Variants in TRAPPC9 observed in about 807,000 individuals in gnomAD.
The protein encoded by TRAPPC9 is IKK2 binding protein.
Under a neutral mutation model 124.0 loss-of-function variants are expected in TRAPPC9, and 83 were observed. That is an observed-to-expected ratio of 0.67 (90% confidence interval 0.56 to 0.80). The LOEUF (loss-of-function observed/expected upper bound fraction) is 0.80. TRAPPC9 is among the 30% of genes least tolerant of loss of function. TRAPPC9 has a pLI of 0.00. For missense variants in TRAPPC9, 1,302 were observed against 1,508.3 expected (o/e 0.86, Z 2.27); for synonymous variants, 638 against 617.5 (o/e 1.03, Z -0.49).
chr8:140,163,547 G>C (rs1457155961), intron 17 of TRAPPC9, among the ~76,000 whole-genome samples: 1 of 152,240 alleles, frequency 6.6e-6, no homozygotes, highest in African/African-American at 2.4e-5. Flanking sequence ...AATGACTTTG[G>C]TGGGAAACGG....
rs570089210 is a variant in TRAPPC9 at position 140,441,619 on chromosome 8, G to A, written c.585-2422C>T. On this transcript the variant is annotated intron_variant, in intron 2 of 22. Transcript: ENST00000438773. Reference sequence around the variant, plus strand: ...GAGGATCACTTAAGGCTAGGACTTCGAGACGGCTGGGCAACAGAGCAAGAC... The same window carrying A: ...GAGGATCACTTAAGGCTAGGACTTCAAGACGGCTGGGCAACAGAGCAAGAC... Among the ~76,000 whole-genome samples the A allele has an allele frequency of 9.9e-5, 15 of 152,024 alleles. 1 individual carries two copies. The highest frequency in any genetic ancestry group is 5.9e-4 in the Admixed American group (9 of 15,272).
Position 140,251,514 on chromosome 8 carries a change from T to G in TRAPPC9, c.2431+1263A>C, listed in dbSNP as rs1281543126. On this transcript the variant is annotated intron_variant, in intron 16 of 22. Coordinates refer to ENST00000438773, the MANE Select transcript of TRAPPC9 (RefSeq NM_001160372.4). ...AATATAAAAAGAATATTTTACCAAA[T>G]ACCAGCACTATACAAGAAGCTCATG... Among the ~76,000 whole-genome samples, 9 of 152,350 alleles carry G rather than the reference T, an allele frequency of 5.9e-5. No individual in the cohort carries two copies. In the South Asian group the frequency reaches 1.9e-3, roughly 32 times the overall value.
intron 10 of TRAPPC9, among the ~76,000 whole-genome samples, chr8:140,302,047 A>G (rs143931028): frequency 1.3e-5 from 2 of 152,342 alleles, no homozygotes; most frequent in African/African-American, 2.4e-5. Flanking sequence ...ATACTGCATA[A>G]TAACAACTGC....
intron 21 of TRAPPC9, among the ~76,000 whole-genome samples, chr8:139,876,070 C>T (rs1468432081): frequency 6.6e-6 from 1 of 152,246 alleles, no homozygotes; most frequent in Non-Finnish European, 1.5e-5. Flanking sequence ...TATTCAGCAA[C>T]TCGTAGCAGC....
intron 21 of TRAPPC9, among the ~76,000 whole-genome samples, chr8:139,750,480 C>T (rs80264602): frequency 0.011 from 1,708 of 152,288 alleles, 45 homozygotes; most frequent in African/African-American, 0.039. Flanking sequence ...CAGAGGAGCA[C>T]CTTAGGGCCA....
intron 21 of TRAPPC9, among the ~76,000 whole-genome samples, chr8:139,762,778 G>A (rs547332874): frequency 6.6e-6 from 1 of 152,304 alleles, no homozygotes; most frequent in East Asian, 1.9e-4. Context: ...TGGGAAGGGA[G>A]AGCCCCAAGC....
At chr8:140,115,823 C>T (rs573009646) in intron 17 of TRAPPC9, among the ~76,000 whole-genome samples, 2 of 152,200 alleles carry the variant, frequency 1.3e-5, no homozygotes, top group Admixed American at 1.3e-4. Flanking sequence ...ATGCTGTGCC[C>T]GGGGCCCTTG....
At chr8:139,908,944 C>CT (rs1363060977) in intron 20 of TRAPPC9, among the ~76,000 whole-genome samples, 1 of 152,218 alleles carries the variant, frequency 6.6e-6, no homozygotes, top group African/African-American at 2.4e-5. Flanking sequence ...CCCAAGCACT[C>CT]TATTTTTCAT....
intron 2 of TRAPPC9, among the ~76,000 whole-genome samples, chr8:140,441,054 C>T (rs1366752528): frequency 4.7e-5 from 7 of 148,408 alleles, no homozygotes; most frequent in African/African-American, 1.7e-4. Context: ...TCACAGCTCA[C>T]TGCAACCTCC....
chr8:139,931,338 G>C (rs1381275007), intron 19 of TRAPPC9: 1 of 152,164 alleles, frequency 6.6e-6, no homozygotes, highest in Non-Finnish European at 1.5e-5. Context: ...TAATGACGTG[G>C]CAAATATCCA....
intron 2 of TRAPPC9, among the ~76,000 whole-genome samples, chr8:140,448,043 G>A (rs574682163): frequency 3.3e-5 from 5 of 151,928 alleles, no homozygotes; most frequent in African/African-American, 7.2e-5. Flanking sequence ...TACTCAGGAG[G>A]CTGAGGCACA....
chr8:140,136,940 T>G (rs530175023), intron 17 of TRAPPC9, among the ~76,000 whole-genome samples: 17 of 152,210 alleles, frequency 1.1e-4, no homozygotes, highest in South Asian at 1.0e-3. Flanking sequence ...CTTTGCAGAC[T>G]TCCCACCTAA....
At chr8:139,979,758 C>T (rs1286696209) in intron 19 of TRAPPC9, among the ~76,000 whole-genome samples, 1 of 152,190 alleles carries the variant, frequency 6.6e-6, no homozygotes, top group Non-Finnish European at 1.5e-5. Context: ...AACCAAGAGA[C>T]CCACAGCGTC....
intron 19 of TRAPPC9, among the ~76,000 whole-genome samples, chr8:139,964,572 G>A (rs909225189): frequency 1.3e-5 from 2 of 152,144 alleles, no homozygotes; most frequent in African/African-American, 2.4e-5. Flanking sequence ...CAGGGCTTTC[G>A]GTATCTCAAA....
Position 140,018,325 on chromosome 8 carries a change from T to TTTTTTC in TRAPPC9, c.2699+5611_2699+5612insGAAAAA, listed in dbSNP as rs1408228114. 2.8e-4 allele frequency among the ~76,000 whole-genome samples: 18 copies of TTTTTTC among 64,434 alleles called. 1 individual carries two copies. The highest frequency in any genetic ancestry group is 1.6e-4 in the Non-Finnish European group (4 of 24,724). 42.3% of individuals were successfully genotyped at this position (64,434 alleles called of 152,430 possible). A position where few individuals can be genotyped will look rare whatever the true frequency, so the allele number is the denominator to read the frequency against. ...TGCTGGTATATAGAAACGTAAGTGA[T>TTTTTTC]TTTTTTTTTTTTTTTTGAGACGGAG... On this transcript the variant is annotated intron_variant, in intron 18 of 22. Transcript: ENST00000438773.
chr8:140,367,635 T>C (rs1480261292), intron 8 of TRAPPC9, among the ~76,000 whole-genome samples: 1 of 152,134 alleles, frequency 6.6e-6, no homozygotes, highest in African/African-American at 2.4e-5. Context: ...CTTCTCTGTA[T>C]GATATCATAA....
intron 16 of TRAPPC9, among the ~76,000 whole-genome samples, chr8:140,243,964 C>A (rs989873310): frequency 2.6e-5 from 4 of 152,214 alleles, no homozygotes; most frequent in Non-Finnish European, 4.4e-5. Context: ...AGCTCAGCAG[C>A]GGCCTCAGGT....
chr8:139,822,429 A>T (rs1272856953), intron 21 of TRAPPC9, among the ~76,000 whole-genome samples: 3 of 152,160 alleles, frequency 2.0e-5, no homozygotes, highest in Admixed American at 1.3e-4. Flanking sequence ...CCAGCTACAT[A>T]GGGCAAGGAG....
At chr8:139,876,019 G>T (rs1829295967) in intron 21 of TRAPPC9, among the ~76,000 whole-genome samples, 2 of 152,232 alleles carry the variant, frequency 1.3e-5, no homozygotes, top group Admixed American at 6.5e-5. Context: ...GTGGGAGCCG[G>T]CTTTCTCACT....
Sources: gnomAD v4.1 joint callset for allele counts (sites outside exome capture counted in the v4.1 genomes callset) on GRCh38, gnomAD v4.1.1 for gene constraint, MANE v1.5 for transcripts, NCBI Gene and HGNC (gene_info 2026-07-23, HGNC 2026-07-21) for gene names.